PCM1: variants seen among roughly 807,000 people sequenced by gnomAD.
The protein encoded by PCM1 is pericentriolar material 1, also known as pericentriolar material 1 protein.
PCM1 carries 157 observed loss-of-function variants against 241.9 expected under a neutral mutation model. The observed-to-expected ratio is 0.65, with a 90% CI of 0.57 to 0.74. The LOEUF is 0.74. Among genes scored for constraint, PCM1 ranks in the 30% least tolerant of loss-of-function variants. PCM1 has a pLI of 0.00. For missense variants in PCM1, 3,478 were observed against 2,360.1 expected, an observed-to-expected ratio of 1.47 and a Z score of -9.81; for synonymous variants, 1,085 against 784.9, an observed-to-expected ratio of 1.38 and a Z score of -6.39.
chr8:17,952,572 A>G (rs2066491018), intron 8 of PCM1, among the ~76,000 whole-genome samples: 1 of 152,178 alleles, frequency 6.6e-6, no homozygotes, highest in Non-Finnish European at 1.5e-5. Context: ...TTAAAATGCA[A>G]ATTTAAAAAT....
intron 30 of PCM1, among the ~76,000 whole-genome samples, chr8:18,006,997 A>G (rs1050923740): frequency 6.6e-5 from 10 of 152,218 alleles, no homozygotes; most frequent in African/African-American, 2.4e-4. Flanking sequence ...TTGACAATAC[A>G]CAGGACAGTA....
At chr8:17,977,821 C>G (rs148879392) in intron 23 of PCM1, among the ~76,000 whole-genome samples, 43 of 152,198 alleles carry the variant, frequency 2.8e-4, no homozygotes, top group African/African-American at 1.0e-3. Flanking sequence ...TGTTGCTTGA[C>G]CACAGGAATG....
chr8:17,936,093 C>G (rs1189864002), intron 3 of PCM1, among the ~76,000 whole-genome samples: 2 of 152,160 alleles, frequency 1.3e-5, no homozygotes, highest in Non-Finnish European at 2.9e-5. Flanking sequence ...CTCCTCTGGT[C>G]CATGTGATAT....
rs1470048397 is a variant in PCM1, at chr8:17,956,621, G to A, written c.1490G>A (p.Arg497Gln). ...TTTATCAGGAAGTTAAATGAAGTTC[G>A]AAAGAGATTGAATGAGCTAAGAGAA... is the stretch of plus-strand genomic sequence containing the variant. Reference protein sequence around the residue: ...SEKLQKLNEVRKRLNELRELV... With the variant: ...SEKLQKLNEVQKRLNELRELV... The change falls in exon 11 of 39, where the codon CGA (arginine) becomes CAA (glutamine). Residue 497 changes from arginine (R) to glutamine (Q), a missense_variant. Arg to Gln is a conservative substitution (Grantham distance 43). Coordinates refer to ENST00000325083, the MANE Select transcript of PCM1 (RefSeq NM_006197.4). 3.1e-6 allele frequency: 5 copies of A among 1,592,818 alleles called. No individual in the cohort carries two copies. Among genetic ancestry groups the A allele is most frequent in the South Asian group, 1.1e-5 (1 of 87,520 alleles).
intron 28 of PCM1, among the ~76,000 whole-genome samples, chr8:17,993,260 GTAA>G (rs1416767853): frequency 6.6e-6 from 1 of 151,900 alleles, no homozygotes; most frequent in East Asian, 1.9e-4. Context: ...TTGATTACAA[GTAA>G]TAATAATTCT....
chr8:17,945,636 T>C (rs548396230), intron 6 of PCM1, among the ~76,000 whole-genome samples: 2 of 152,324 alleles, frequency 1.3e-5, no homozygotes, highest in East Asian at 3.9e-4. Flanking sequence ...TCATGCTCAT[T>C]CACAATACTG....
intron 18 of PCM1, among the ~76,000 whole-genome samples, chr8:17,965,343 A>G (rs532667763): frequency 2.0e-5 from 3 of 152,364 alleles, no homozygotes; most frequent in East Asian, 1.9e-4. Context: ...CTCATTAGCA[A>G]AAATTCACAT....
At chr8:18,025,324 T>C (rs760714969) in intron 36 of PCM1, 37 bp from the exon 37 acceptor site, 2 of 1,085,892 alleles carry the variant, frequency 1.8e-6, no homozygotes, top group Admixed American at 1.9e-5. Context: ...CTGGTTTGGA[T>C]CTAGAGTATG....
intron 6 of PCM1, among the ~76,000 whole-genome samples, chr8:17,942,381 C>T (rs915767528): frequency 4.0e-5 from 6 of 151,670 alleles, no homozygotes; most frequent in South Asian, 2.1e-4. Context: ...GCAGGAGAAT[C>T]GCTTCAACCT....
chr8:18,021,762 C>T (rs2093772672), intron 36 of PCM1, among the ~76,000 whole-genome samples: 1 of 152,144 alleles, frequency 6.6e-6, no homozygotes, highest in Admixed American at 6.5e-5. Context: ...TTACCACTAG[C>T]CCTAATGGCA....
chr8:17,956,923 C>T (rs1422521624), intron 11 of PCM1, 146 bp downstream of exon 11: 1 of 674,924 alleles, frequency 1.5e-6, no homozygotes, highest in Non-Finnish European at 2.5e-6. Context: ...ATCATCTCTG[C>T]CCTGTGAAGA....
intron 20 of PCM1, 90 bp downstream of exon 20, chr8:17,966,563 C>T (rs926730396): frequency 8.1e-6 from 9 of 1,116,458 alleles, no homozygotes; most frequent in Non-Finnish European, 1.1e-5. Flanking sequence ...AAGAGCAAGA[C>T]CAAATTGCAT....
chr8:17,957,903 A>G, intron 13 of PCM1, 128 bp downstream of exon 13: 3 of 654,390 alleles, frequency 4.6e-6, no homozygotes, highest in South Asian at 2.1e-5. Flanking sequence ...TGAGGTTTAA[A>G]TTTTTAGCAC....
chr8:17,972,869 T>C (rs936664596), intron 23 of PCM1, among the ~76,000 whole-genome samples, 182 bp downstream of exon 23: 27 of 152,230 alleles, frequency 1.8e-4, no homozygotes, highest in Middle Eastern at 6.8e-3. Context: ...ATATTCGAAA[T>C]AGGGTTTAAT....
At chr8:17,973,192 CATATT>C (rs1757706601) in intron 23 of PCM1, among the ~76,000 whole-genome samples, 1 of 152,072 alleles carries the variant, frequency 6.6e-6, no homozygotes, top group African/African-American at 2.4e-5. Flanking sequence ...CATTGAATGT[CATATT>C]AAAGTTGTTT....
chr8:17,933,320 TA>T (rs2059560905), intron 2 of PCM1, among the ~76,000 whole-genome samples: 1 of 152,228 alleles, frequency 6.6e-6, no homozygotes, highest in South Asian at 2.1e-4. Flanking sequence ...TGAAACCATA[TA>T]GACAGCTAAT....
Position 18,029,522 on chromosome 8 carries a change from A to G in PCM1, c.*1860A>G. The G allele has an allele frequency of 4.7e-6, 1 of 213,242 alleles. No homozygotes were observed. The highest frequency in any genetic ancestry group is 9.5e-6 in the Non-Finnish European group (1 of 105,188). 13.2% of individuals were successfully genotyped at this position (213,242 alleles called of 1,614,324 possible). ...TCTGTCTGCATGCATATTAAAGTGG[A>G]AAAATTGTATTTATATCTTAGTTAT... On this transcript the variant is annotated 3_prime_UTR_variant, in exon 39 of 39. Transcript: ENST00000325083.
chr8:17,974,721 G>A (rs548629155), intron 23 of PCM1, among the ~76,000 whole-genome samples: 71 of 152,046 alleles, frequency 4.7e-4, no homozygotes, highest in Admixed American at 7.9e-4. Context: ...TTAACTTCAA[G>A]ACAAAGATTG....
rs146383637 is a variant in PCM1 at position 17,947,445 on chromosome 8, T to TA, written c.961+84dup. 2,738 of 967,492 alleles carry TA rather than the reference T, an allele frequency of 2.8e-3. 46 individuals carry two copies. The African/African-American group carries it at 0.041, about 15-fold the overall frequency. The allele number at this position is 967,492 out of a possible 1,614,324, so 59.9% of individuals were successfully genotyped here. A position where few individuals can be genotyped will look rare whatever the true frequency, so the allele number is the denominator to read the frequency against. The stretch of plus-strand genomic sequence containing the variant: ...TGCAGGGTGGATGCTGATTATTACA[T>TA]AATCAGATCTTGATTGTTGTCTAGT... On this transcript the variant is annotated intron_variant, in intron 7 of 38. Transcript: ENST00000325083.
Sources: allele counts gnomAD v4.1 joint callset (sites outside exome capture counted in the v4.1 genomes callset), GRCh38; gene constraint gnomAD v4.1.1; transcripts MANE v1.5; gene names NCBI Gene and HGNC (gene_info 2026-07-23, HGNC 2026-07-21).